NDUFB9: variants seen among roughly 807,000 people sequenced by gnomAD.
NDUFB9 encodes NADH dehydrogenase [ubiquinone] 1 beta subcomplex subunit 9.
In NDUFB9, 24 loss-of-function variants were observed where a neutral mutation model predicts 30.2. The observed-to-expected ratio is 0.80, with a 90% CI of 0.58 to 1.12. The LOEUF (loss-of-function observed/expected upper bound fraction) is 1.12. NDUFB9 is among the 50% of genes most tolerant of loss of function. The pLI is 0.00. For synonymous variants in NDUFB9, 80 were observed against 84.0 expected (o/e 0.95, Z 0.26); for missense variants, 204 against 226.0 (o/e 0.90, Z 0.62).
chr8:124,548,104 G>A (rs777772646), intron 3 of NDUFB9, among the ~76,000 whole-genome samples: 19 of 152,144 alleles, frequency 1.2e-4, no homozygotes, highest in Non-Finnish European at 2.2e-4. Context: ...AGCAGCAATC[G>A]AGAATTCATT....
At chr8:124,541,354 T>C (rs946670619) in intron 1 of NDUFB9, among the ~76,000 whole-genome samples, 2 of 152,214 alleles carry the variant, frequency 1.3e-5, no homozygotes, top group Non-Finnish European at 2.9e-5. Flanking sequence ...TCAGAATTGT[T>C]CTCAAGTATT....
chr8:124,542,105 G>A (rs1171985337), intron 1 of NDUFB9, among the ~76,000 whole-genome samples: 5 of 151,058 alleles, frequency 3.3e-5, no homozygotes, highest in Admixed American at 6.6e-5. Context: ...TAGCTGAGAC[G>A]GGATTTCACC....
chr8:124,547,936 C>T (rs965968474), intron 3 of NDUFB9, among the ~76,000 whole-genome samples: 1 of 151,946 alleles, frequency 6.6e-6, no homozygotes, highest in East Asian at 1.9e-4. Context: ...AATGAGCTGA[C>T]ATCGCGCCAC....
chr8:124,549,624 T>C, intron 3 of NDUFB9, 137 bp from the exon 4 acceptor site: 1 of 824,254 alleles, frequency 1.2e-6, no homozygotes, highest in South Asian at 1.5e-5. Flanking sequence ...TAAAAAACAC[T>C]TTTCAATATT....
intron 1 of NDUFB9, chr8:124,542,842 T>A: frequency 9.5e-6 from 3 of 315,540 alleles, no homozygotes; most frequent in East Asian, 5.0e-5. Context: ...TAAATCCTCA[T>A]TCCATTGTTG....
chr8:124,549,912 T>C lies in NDUFB9; in HGVS notation c.*20T>C. The C allele has an allele frequency of 6.2e-7, 1 of 1,614,112 alleles. No individual in the cohort carries two copies. The highest frequency in any genetic ancestry group is 1.1e-5 in the South Asian group (1 of 91,076). On this transcript the variant is annotated 3_prime_UTR_variant, in exon 4 of 4. Transcript: ENST00000276689. ...ATGTAGAAAGAGAGAGACCTCATCTTTCATGCTTGCAAGTGAAATATGTTA... is the reference window on the plus strand; with the variant it reads ...ATGTAGAAAGAGAGAGACCTCATCTCTCATGCTTGCAAGTGAAATATGTTA...
chr8:124,541,634 G>A (rs188397265), intron 1 of NDUFB9, among the ~76,000 whole-genome samples: 50 of 152,190 alleles, frequency 3.3e-4, no homozygotes, highest in African/African-American at 1.2e-3. Flanking sequence ...ACGGAGTTTC[G>A]CTTATGTTGC....
At position 124,543,171 on chromosome 8, in the gene NDUFB9, G is replaced by A; in HGVS notation, c.186G>A (p.Gln62=). 3 of 1,614,212 alleles carry A rather than the reference G, an allele frequency of 1.9e-6. No homozygotes were observed. Among genetic ancestry groups the A allele is most frequent in the Admixed American group, 3.3e-5 (2 of 60,030 alleles). Residue 62 remains glutamine, a synonymous_variant, in exon 2 of 4, where the codon CAG becomes CAA. Transcript: ENST00000276689. ...AAAAGGATATGGCGAAGGCCACCCAGCTGCTGAAGGAGGCCGAGGAAGAAT... is the reference window on the plus strand; with the variant it reads ...AAAAGGATATGGCGAAGGCCACCCAACTGCTGAAGGAGGCCGAGGAAGAAT... ...KNEKDMAKAT[Q]LLKEAEEEFW... is the part of the protein sequence containing the mutation.
At chr8:124,546,930 C>T in intron 2 of NDUFB9, 70 bp from the exon 3 acceptor site, 1 of 1,038,824 alleles carries the variant, frequency 9.6e-7, no homozygotes. Context: ...CTTACATCTC[C>T]TGAGCAGGCC....
At chr8:124,539,524 G>A in intron 1 of NDUFB9, 1 of 550,056 alleles carries the variant, frequency 1.8e-6, no homozygotes, top group Non-Finnish European at 3.3e-6. Flanking sequence ...TAGTAAAACG[G>A]ACGCACGACC....
intron 1 of NDUFB9, among the ~76,000 whole-genome samples, chr8:124,540,777 G>C (rs1318471958): frequency 6.6e-6 from 1 of 151,928 alleles, no homozygotes. Flanking sequence ...TTCCATCCTA[G>C]GCATACTGTG....
intron 3 of NDUFB9, 94 bp downstream of exon 3, chr8:124,547,207 G>A: frequency 1.1e-6 from 1 of 891,212 alleles, no homozygotes; most frequent in Non-Finnish European, 1.9e-6. Context: ...AGCCATGACA[G>A]TTACTCTGGG....
At chr8:124,546,390 TTATAG>T (rs2131611435) in intron 2 of NDUFB9, among the ~76,000 whole-genome samples, 1 of 152,284 alleles carries the variant, frequency 6.6e-6, no homozygotes, top group East Asian at 1.9e-4. Flanking sequence ...GTTGGACACT[TTATAG>T]TATAGTATAA....
chr8:124,545,414 A>C (rs893270175), intron 2 of NDUFB9, among the ~76,000 whole-genome samples: 9 of 152,240 alleles, frequency 5.9e-5, no homozygotes, highest in Non-Finnish European at 1.3e-4. Context: ...AGCCTTTGGC[A>C]ATCATCACCC....
At chr8:124,539,385 C>T in intron 1 of NDUFB9, 98 bp downstream of exon 1, 2 of 1,105,670 alleles carry the variant, frequency 1.8e-6, no homozygotes, top group Middle Eastern at 2.3e-4. Flanking sequence ...ACTTCGGGAA[C>T]GGAATTGGAA....
At chr8:124,539,380 G>A in intron 1 of NDUFB9, 93 bp downstream of exon 1, 1 of 1,162,364 alleles carries the variant, frequency 8.6e-7, no homozygotes, top group Non-Finnish European at 1.3e-6. Flanking sequence ...CAAGGACTTC[G>A]GGAACGGAAT....
chr8:124,543,802 G>A (rs547595156), intron 2 of NDUFB9, among the ~76,000 whole-genome samples: 6 of 152,232 alleles, frequency 3.9e-5, no homozygotes, highest in South Asian at 2.1e-4. Flanking sequence ...TCCCTAAGAC[G>A]CAGCAACAGT....
At chr8:124,540,586 AAAAG>A (rs1159086341) in intron 1 of NDUFB9, among the ~76,000 whole-genome samples, 1 of 152,242 alleles carries the variant, frequency 6.6e-6, no homozygotes, top group African/African-American at 2.4e-5. Flanking sequence ...AAACATGAAA[AAAAG>A]AATTCAAGCA....
chr8:124,542,253 T>C (rs535168804), intron 1 of NDUFB9, among the ~76,000 whole-genome samples: 1 of 152,172 alleles, frequency 6.6e-6, no homozygotes, highest in South Asian at 2.1e-4. Flanking sequence ...GGTTTCTCCA[T>C]GTTGATCAGG....
Sources: allele counts gnomAD v4.1 joint callset (sites outside exome capture counted in the v4.1 genomes callset), GRCh38; gene constraint gnomAD v4.1.1; transcripts MANE v1.5; gene names NCBI Gene and HGNC (gene_info 2026-07-23, HGNC 2026-07-21).